RBMS3: variants seen among roughly 807,000 people sequenced by gnomAD.
The protein encoded by RBMS3 is RNA binding motif single stranded interacting protein 3.
In RBMS3, 27 loss-of-function variants were observed where a neutral mutation model predicts 66.8. The ratio of observed to expected loss-of-function variants is 0.40; its 90% CI spans 0.30 to 0.56. The LOEUF is 0.56. Among genes scored for constraint, RBMS3 ranks in the 20% least tolerant of loss-of-function variants. The probability of loss-of-function intolerance (pLI) is 0.40; values close to 1 mark genes in which losing one functional copy is unlikely to be tolerated. For synonymous variants in RBMS3, 188 were observed against 183.0 expected, an observed-to-expected ratio of 1.03 and a Z score of -0.22; for missense variants, 513 against 549.5, an observed-to-expected ratio of 0.93 and a Z score of 0.66.
chr3:29,446,902 C>A (rs2041850161), intron 2 of RBMS3, among the ~76,000 whole-genome samples: 1 of 134,720 alleles, frequency 7.4e-6, no homozygotes, highest in African/African-American at 2.6e-5. Context: ...TTCCATTAAG[C>A]AGTCTTTTTT....
chr3:29,807,295 C>T (rs2057585731), intron 6 of RBMS3, among the ~76,000 whole-genome samples: 2 of 152,022 alleles, frequency 1.3e-5, no homozygotes, highest in South Asian at 4.1e-4. Context: ...AGCCTCTAAG[C>T]TTTCCCAAAT....
intron 1 of RBMS3, among the ~76,000 whole-genome samples, chr3:29,424,320 A>G (rs1444459055): frequency 2.6e-5 from 4 of 152,216 alleles, no homozygotes; most frequent in South Asian, 4.1e-4. Flanking sequence ...AATTACTAAC[A>G]TCCCCCTCTT....
chr3:29,762,569 C>T (rs1287931931), intron 5 of RBMS3, among the ~76,000 whole-genome samples: 1 of 152,128 alleles, frequency 6.6e-6, no homozygotes, highest in African/African-American at 2.4e-5. Context: ...ACTTACCCAT[C>T]AGGTTTGCTA....
rs17023489 is a variant in RBMS3 at position 29,442,518 on chromosome 3, T to C, written c.248+7603T>C. Among the ~76,000 whole-genome samples, 1,441 of 152,222 alleles carry C rather than the reference T, an allele frequency of 9.5e-3. 24 individuals are homozygous for C. The highest frequency in any genetic ancestry group is 0.033 in the African/African-American group (1,364 of 41,556). ...GAGGACCAATTGACTTAGTTTACGA[T>C]CTTGATGGTAGCACAAAAAAGATGG... On this transcript the variant is annotated intron_variant, in intron 2 of 14. Coordinates refer to ENST00000383767, the MANE Select transcript of RBMS3 (RefSeq NM_001003793.3).
At chr3:29,464,008 A>G (rs546652110) in intron 2 of RBMS3, among the ~76,000 whole-genome samples, 33 of 152,244 alleles carry the variant, frequency 2.2e-4, no homozygotes, top group Non-Finnish European at 3.5e-4. Flanking sequence ...ACGTGGACCA[A>G]TGAAAAATTT....
intron 1 of RBMS3, among the ~76,000 whole-genome samples, chr3:29,343,500 T>C (rs896625313): frequency 6.6e-6 from 1 of 152,162 alleles, no homozygotes; most frequent in African/African-American, 2.4e-5. Flanking sequence ...TAATAGACTA[T>C]AGTTTCCCTT....
At chr3:29,685,881 C>T (rs2051710984) in intron 4 of RBMS3, among the ~76,000 whole-genome samples, 1 of 152,186 alleles carries the variant, frequency 6.6e-6, no homozygotes, top group Non-Finnish European at 1.5e-5. Context: ...ACTGCTGCCA[C>T]CACCATCACT....
At chr3:29,437,746 T>G (rs986595218) in intron 2 of RBMS3, among the ~76,000 whole-genome samples, 1 of 152,242 alleles carries the variant, frequency 6.6e-6, no homozygotes, top group African/African-American at 2.4e-5. Flanking sequence ...GAGTAATGAC[T>G]TTTTGCCTCT....
chr3:29,612,433 C>A (rs1442613324), intron 4 of RBMS3, among the ~76,000 whole-genome samples: 2 of 151,896 alleles, frequency 1.3e-5, no homozygotes, highest in African/African-American at 4.8e-5. Context: ...TTTTCCCAAT[C>A]CTCTGCTTCA....
chr3:29,661,442 T>C (rs2050543524), intron 4 of RBMS3, among the ~76,000 whole-genome samples: 2 of 152,298 alleles, frequency 1.3e-5, no homozygotes, highest in Admixed American at 6.5e-5. Flanking sequence ...GTTTGTATAG[T>C]ATTTTTTTGC....
intron 3 of RBMS3, among the ~76,000 whole-genome samples, chr3:29,497,500 A>G (rs923184327): frequency 6.6e-6 from 1 of 152,176 alleles, no homozygotes; most frequent in Non-Finnish European, 1.5e-5. Flanking sequence ...TATTTTAAGA[A>G]TTTGACTCAT....
chr3:29,970,560 C>G (rs1484493816), intron 12 of RBMS3, among the ~76,000 whole-genome samples: 1 of 151,860 alleles, frequency 6.6e-6, no homozygotes, highest in African/African-American at 2.4e-5. Flanking sequence ...TTGATTATAT[C>G]CAATTTATTT....
chr3:29,816,873 C>T (rs374482446), intron 6 of RBMS3, among the ~76,000 whole-genome samples: 142 of 151,988 alleles, frequency 9.3e-4, no homozygotes, highest in African/African-American at 3.2e-3. Context: ...GGGTGGATCA[C>T]GAGGTCAGGA....
At chr3:29,842,801 G>C (rs1001830814) in intron 6 of RBMS3, among the ~76,000 whole-genome samples, 2 of 152,184 alleles carry the variant, frequency 1.3e-5, no homozygotes, top group African/African-American at 4.8e-5. Context: ...TGAAAAGAGA[G>C]ATTATAGTGA....
At chr3:29,560,490 A>T (rs536499846) in intron 3 of RBMS3, among the ~76,000 whole-genome samples, 14 of 152,354 alleles carry the variant, frequency 9.2e-5, no homozygotes, top group African/African-American at 3.4e-4. Context: ...ACCAAAGACA[A>T]ATAGAAACAA....
At chr3:29,684,600 T>C (rs745677457) in intron 4 of RBMS3, among the ~76,000 whole-genome samples, 8 of 152,216 alleles carry the variant, frequency 5.3e-5, no homozygotes, top group Non-Finnish European at 1.0e-4. Context: ...AGTTTTCTGA[T>C]TGTTTGATAG....
chr3:29,298,348 C>G (rs1034251424), intron 1 of RBMS3, among the ~76,000 whole-genome samples: 1 of 151,896 alleles, frequency 6.6e-6, no homozygotes, highest in African/African-American at 2.4e-5. Flanking sequence ...GCCCTCAGAT[C>G]TTACAACAGT....
At chr3:29,809,392 AT>A (rs1309733789) in intron 6 of RBMS3, among the ~76,000 whole-genome samples, 1 of 151,486 alleles carries the variant, frequency 6.6e-6, no homozygotes. Context: ...TGTTTCTTTA[AT>A]CATGGGCACC....
intron 8 of RBMS3, among the ~76,000 whole-genome samples, chr3:29,890,371 G>T (rs887364747): frequency 6.6e-6 from 1 of 151,510 alleles, no homozygotes; most frequent in Non-Finnish European, 1.5e-5. Flanking sequence ...TTCCTCATTC[G>T]CATTGCTCTA....
Sources: gnomAD v4.1 joint callset for allele counts (sites outside exome capture counted in the v4.1 genomes callset) on GRCh38, gnomAD v4.1.1 for gene constraint, MANE v1.5 for transcripts, NCBI Gene and HGNC (gene_info 2026-07-23, HGNC 2026-07-21) for gene names.